NFASC: variants seen among roughly 807,000 people sequenced by gnomAD.
NFASC encodes the protein neurofascin.
NFASC carries 43 observed loss-of-function variants against 147.5 expected under a neutral mutation model. The observed-to-expected ratio is 0.29, with a 90% CI of 0.23 to 0.38. The LOEUF (loss-of-function observed/expected upper bound fraction) is 0.38. Among genes scored for constraint, NFASC ranks in the 10% least tolerant of loss-of-function variants. The pLI, the probability that NFASC is intolerant of heterozygous loss-of-function variation, is 1.00. For missense variants in NFASC, 1,320 were observed against 1,689.0 expected (o/e 0.78, Z 3.83); for synonymous variants, 622 against 665.5 (o/e 0.93, Z 1.01).
At chr1:204,835,845 A>G (rs116390256) in intron 1 of NFASC, among the ~76,000 whole-genome samples, 2,009 of 152,266 alleles carry the variant, frequency 0.013, 51 homozygotes, top group African/African-American at 0.045. Flanking sequence ...TCTGGCCTCC[A>G]TGCTGAGCTA....
At chr1:204,901,039 GAA>G (rs2084456440) in intron 1 of NFASC, among the ~76,000 whole-genome samples, 1 of 152,110 alleles carries the variant, frequency 6.6e-6, no homozygotes, top group Non-Finnish European at 1.5e-5. Flanking sequence ...AGGTGAGAGA[GAA>G]AGAGAGGAGG....
Position 204,984,189 on chromosome 1 carries a change from C to A in NFASC, c.2470+2169C>A. The A allele has an allele frequency of 2.3e-6, 3 of 1,293,622 alleles. No homozygotes were observed. The Admixed American group carries it at 5.1e-5, about 22-fold the overall frequency. 80.1% of individuals were successfully genotyped at this position (1,293,622 alleles called of 1,614,324 possible). A position where few individuals can be genotyped will look rare whatever the true frequency, so the allele number is the denominator to read the frequency against. ...TCACCTAACTACCCAGCTCACTAAC[C>A]AGGGCCAGGGGTAGCAAATGCGGGC... On this transcript the variant is annotated intron_variant, in intron 21 of 29. Coordinates refer to ENST00000339876, the MANE Select transcript of NFASC (RefSeq NM_001005388.3).
rs569764933 is a variant in NFASC, at chr1:204,993,676, C to A, written c.2782+2370C>A. On this transcript the variant is annotated intron_variant, in intron 24 of 29. Coordinates refer to ENST00000339876, the MANE Select transcript of NFASC (RefSeq NM_001005388.3). ...AGAGTCTCTGCCCGCTGTCCTTGGT[C>A]GCCAGGCTGATGGTCTCCACTGAGC... is the stretch of plus-strand genomic sequence containing the variant. 45 of 472,732 alleles carry A rather than the reference C, an allele frequency of 9.5e-5. 1 individual carries two copies. The highest frequency in any genetic ancestry group is 6.5e-4 in the South Asian group (43 of 65,852). The allele number at this position is 472,732 out of a possible 1,614,324, so 29.3% of individuals were successfully genotyped here. A position where few individuals can be genotyped will look rare whatever the true frequency, so the allele number is the denominator to read the frequency against.
At chr1:204,974,096 A>G in intron 12 of NFASC, 83 bp from the exon 13 acceptor site, 1 of 1,076,234 alleles carries the variant, frequency 9.3e-7, no homozygotes, top group Non-Finnish European at 1.4e-6. Context: ...CTGTAAGCAG[A>G]AGGCATGCAG....
At chr1:204,907,675 G>A (rs2086295590) in intron 1 of NFASC, among the ~76,000 whole-genome samples, 1 of 152,158 alleles carries the variant, frequency 6.6e-6, no homozygotes, top group South Asian at 2.1e-4. Flanking sequence ...CAACTCCCTT[G>A]CATTTCAAAA....
At chr1:204,893,756 C>T (rs2082846304) in intron 1 of NFASC, among the ~76,000 whole-genome samples, 1 of 152,198 alleles carries the variant, frequency 6.6e-6, no homozygotes, top group Admixed American at 6.5e-5. Context: ...TTTAGGCTTT[C>T]CCCCACTCTG....
At chr1:204,952,646 G>A (rs1573633775) in intron 5 of NFASC, among the ~76,000 whole-genome samples, 2 of 152,184 alleles carry the variant, frequency 1.3e-5, no homozygotes, top group Admixed American at 1.3e-4. Context: ...GGGGAAAAGG[G>A]GTACAAAGGT....
chr1:205,012,882 C>T lies in NFASC; in HGVS notation c.3491+16C>T, dbSNP rs745323205. 4 of 1,595,232 alleles carry T rather than the reference C, an allele frequency of 2.5e-6. No homozygotes were observed. Among genetic ancestry groups the T allele is most frequent in the South Asian group, 2.2e-5 (2 of 90,694 alleles). On this transcript the variant is annotated intron_variant, in intron 29 of 29. Coordinates refer to ENST00000339876, the MANE Select transcript of NFASC (RefSeq NM_001005388.3). ...TTGACTATAGGTGCGTGATCTCCCT[C>T]CTCCTCTCTCAGGCAGGCTGTCCTC...
intron 1 of NFASC, among the ~76,000 whole-genome samples, chr1:204,862,184 C>T (rs1198377784): frequency 2.0e-5 from 3 of 152,204 alleles, no homozygotes; most frequent in Non-Finnish European, 4.4e-5. Flanking sequence ...TTCCCAACTG[C>T]ATCACCCACC....
At chr1:204,916,492 C>T (rs746533964) in intron 1 of NFASC, among the ~76,000 whole-genome samples, 27 of 152,202 alleles carry the variant, frequency 1.8e-4, no homozygotes, top group Non-Finnish European at 3.8e-4. Flanking sequence ...GATCTGATCT[C>T]TCATTTTTAA....
At position 204,968,817 on chromosome 1, in the gene NFASC, T is replaced by C; in HGVS notation, c.838T>C (p.Trp280Arg). The change falls in exon 10 of 30, where the codon TGG (tryptophan) becomes CGG (arginine). Residue 280 changes from tryptophan (W) to arginine (R), a missense_variant. Transcript: ENST00000339876. The surrounding 1 kb of genome is among the most constrained non-coding windows in gnomAD (Gnocchi z 5.4). ...ASGVPTPDIA[W>R]YKKGGDLPSD... is the part of the protein sequence containing the mutation. ...TCCTAGCCCAACACCAGACATCGCATGGTACAAGAAAGGTGGGGACCTCCC... is the reference window on the plus strand; with the variant it reads ...TCCTAGCCCAACACCAGACATCGCACGGTACAAGAAAGGTGGGGACCTCCC... 1 of 1,613,428 alleles carries C rather than the reference T, an allele frequency of 6.2e-7. No individual in the cohort carries two copies. The highest frequency in any genetic ancestry group is 8.5e-7 in the Non-Finnish European group (1 of 1,179,922).
chr1:204,938,092 C>G (rs1178875275), intron 2 of NFASC, among the ~76,000 whole-genome samples: 1 of 152,232 alleles, frequency 6.6e-6, no homozygotes, highest in Non-Finnish European at 1.5e-5. Context: ...CAGAACGTGG[C>G]TGTGGGAATG....
At chr1:204,943,793 C>T (rs1558187232) in intron 2 of NFASC, among the ~76,000 whole-genome samples, 2 of 152,180 alleles carry the variant, frequency 1.3e-5, no homozygotes, top group Non-Finnish European at 2.9e-5. Context: ...CTTACCAGAT[C>T]GGTGCATGGC....
At chr1:204,882,969 A>C (rs993928268) in intron 1 of NFASC, among the ~76,000 whole-genome samples, 2 of 152,034 alleles carry the variant, frequency 1.3e-5, no homozygotes, top group Non-Finnish European at 2.9e-5. Context: ...ATACGCCTAC[A>C]TATGAGTCAA....
At chr1:204,904,872 C>A (rs1467520096) in intron 1 of NFASC, among the ~76,000 whole-genome samples, 1 of 105,626 alleles carries the variant, frequency 9.5e-6, no homozygotes, top group Non-Finnish European at 1.9e-5. Flanking sequence ...CCTTCCTTTT[C>A]TTCCTATTCA....
chr1:204,952,232 A>G (rs2094166297), intron 5 of NFASC, 116 bp downstream of exon 5: 4 of 772,630 alleles, frequency 5.2e-6, no homozygotes, highest in South Asian at 1.6e-5. Context: ...AAAAATTTCC[A>G]TTAGGCACCT....
In NFASC at chr1:204,968,841, C is replaced by T. The variant is rs1222578798; in HGVS notation, c.862C>T (p.Pro288Ser). 2.5e-6 allele frequency: 4 copies of T among 1,613,744 alleles called. No individual in the cohort carries two copies. The highest frequency in any genetic ancestry group is 3.4e-6 in the Non-Finnish European group (4 of 1,180,022). ...IAWYKKGGDL[P>S]SDKAKFENFN... ...ATGGTACAAGAAAGGTGGGGACCTC[C>T]CATCTGATAAGGCCAAGTTTGAGAA... Residue 288 changes from proline to serine, a missense_variant, in exon 10 of 30, where the codon CCA (proline) becomes TCA (serine). By Grantham distance (74) the Pro-to-Ser change is moderately conservative. Around this residue, in one of 3 missense-constraint regions of NFASC, gnomAD observed 981 missense variants for 1,289.5 expected, o/e 0.76. Transcript: ENST00000339876. The surrounding 1 kb of genome is among the most constrained non-coding windows in gnomAD (Gnocchi z 5.4).
chr1:204,842,208 T>A (rs926080336), intron 1 of NFASC, among the ~76,000 whole-genome samples: 4 of 152,214 alleles, frequency 2.6e-5, no homozygotes, highest in Non-Finnish European at 5.9e-5. Flanking sequence ...CTCCCTGAGG[T>A]CTGACTAAGC....
At chr1:204,837,886 G>A (rs1421669488) in intron 1 of NFASC, among the ~76,000 whole-genome samples, 2 of 152,176 alleles carry the variant, frequency 1.3e-5, no homozygotes, top group African/African-American at 4.8e-5. Flanking sequence ...GTGTGTCCAC[G>A]TATGCAGGCT....
Sources: gnomAD v4.1 joint callset for allele counts (sites outside exome capture counted in the v4.1 genomes callset) on GRCh38, gnomAD v4.1.1 for gene constraint, gnomAD v4.1.1 regional missense constraint, Gnocchi (gnomAD v3.1) non-coding constraint, MANE v1.5 for transcripts, NCBI Gene and HGNC (gene_info 2026-07-23, HGNC 2026-07-21) for gene names.